TERT: variants seen among roughly 807,000 people sequenced by gnomAD.
TERT encodes the protein telomerase catalytic subunit.
In TERT, 42 loss-of-function variants were observed where a neutral mutation model predicts 104.0. The ratio of observed to expected loss-of-function variants is 0.40; its 90% CI spans 0.32 to 0.52. The LOEUF (loss-of-function observed/expected upper bound fraction) is 0.52. TERT is among the 20% of genes least tolerant of loss of function. The probability of loss-of-function intolerance (pLI) is 0.43; values close to 1 mark genes in which losing one functional copy is unlikely to be tolerated. For missense variants in TERT, 1,101 were observed against 1,610.3 expected (o/e 0.68, Z 5.41); for synonymous variants, 781 against 725.6 (o/e 1.08, Z -1.23).
chr5:1,267,562 T>C (rs1748698539), intron 9 of TERT, among the ~76,000 whole-genome samples: 1 of 152,236 alleles, frequency 6.6e-6, no homozygotes, highest in Admixed American at 6.5e-5. Flanking sequence ...CTATTCACAG[T>C]AGCAAAGACT....
At position 1,261,642 on chromosome 5, in the gene TERT, G is replaced by C. The variant is rs549250286; in HGVS notation, c.2844-1042C>G. Among the ~76,000 whole-genome samples the C allele has an allele frequency of 6.6e-6, 1 of 152,206 alleles. No homozygotes were observed. Among genetic ancestry groups the C allele is most frequent in the Admixed American group, 6.5e-5 (1 of 15,290 alleles). On this transcript the variant is annotated intron_variant, in intron 11 of 15. Transcript: ENST00000310581. This position sits in a 1 kb window ranked among gnomAD's most constrained non-coding sequence, Gnocchi z 7.4. ...TGCGTTTCTTTGAGGGATGGGTCTC[G>C]CTGTCAGTTTCACATGCATTTCTTT... is the stretch of plus-strand genomic sequence containing the variant.
chr5:1,285,857 C>T (rs563475216), intron 2 of TERT, among the ~76,000 whole-genome samples: 8 of 151,966 alleles, frequency 5.3e-5, no homozygotes, highest in Non-Finnish European at 1.0e-4. Context: ...CGTGAGCCAC[C>T]GCGCCCAGCC....
Position 1,294,130 on chromosome 5 carries a change from C to T in TERT, c.756G>A (p.Gly252=). The T allele has an allele frequency of 6.3e-7, 1 of 1,582,732 alleles. No homozygotes were observed. The highest frequency in any genetic ancestry group is 8.6e-7 in the Non-Finnish European group (1 of 1,166,906). The change falls in exon 2 of 16, where the codon GGG becomes GGA. Residue 252 remains glycine, a synonymous_variant. Coordinates refer to ENST00000310581, the MANE Select transcript of TERT (RefSeq NM_198253.3). ...TGCCCGGGTGGGCCCAGGACCCCTG[C>T]CCAACGGGCGTCCGCTCCGGCTCAG... The part of the protein sequence containing the change: ...AAPEPERTPV[G]QGSWAHPGRT...
At position 1,255,296 on chromosome 5, in the gene TERT, T is replaced by C. The variant is rs1747637045; in HGVS notation, c.3148A>G (p.Lys1050Glu). ...ASLCYSILKA[K>E]NAGMSLGAKG... ...AGGCACCTGCACATACCTGCGTTCT[T>C]GGCTTTCAGGATGGAGTAGCAGAGG... Residue 1050 changes from lysine to glutamate, a missense_variant, in exon 14 of 16, where the codon AAG becomes GAG. Lys to Glu is a moderately conservative substitution (Grantham distance 56). Coordinates refer to ENST00000310581, the MANE Select transcript of TERT (RefSeq NM_198253.3). This position sits in a 1 kb window ranked among gnomAD's most constrained non-coding sequence, Gnocchi z 6.9. 1.2e-6 allele frequency: 2 copies of C among 1,613,818 alleles called. No individual in the cohort carries two copies. The highest frequency in any genetic ancestry group is 1.7e-6 in the Non-Finnish European group (2 of 1,179,920).
At chr5:1,291,607 C>T (rs1750977245) in intron 2 of TERT, among the ~76,000 whole-genome samples, 1 of 131,570 alleles carries the variant, frequency 7.6e-6, no homozygotes, top group Admixed American at 7.5e-5. Flanking sequence ...GGGGACAGTG[C>T]CTCACTCACC....
chr5:1,253,413 T>A lies in TERT; in HGVS notation c.*315A>T, dbSNP rs2126555209. On this transcript the variant is annotated 3_prime_UTR_variant, in exon 16 of 16. Coordinates refer to ENST00000310581, the MANE Select transcript of TERT (RefSeq NM_198253.3). ...AATGGCGAATCTGGGGATGGACTATTCCTATGTGGGGAGTGGAAGCCGGGC... is the reference window on the plus strand; with the variant it reads ...AATGGCGAATCTGGGGATGGACTATACCTATGTGGGGAGTGGAAGCCGGGC... 1.9e-6 allele frequency: 1 copy of A among 517,618 alleles called. No homozygotes were observed. Among genetic ancestry groups the A allele is most frequent in the Non-Finnish European group, 3.5e-6 (1 of 284,252 alleles). The allele number at this position is 517,618 out of a possible 1,614,324, so 32.1% of individuals were successfully genotyped here.
Position 1,293,632 on chromosome 5 carries a change from C to G in TERT, c.1254G>C (p.Ala418=), listed in dbSNP as rs1212476315. ...CACAGACACCGGCTGCTGGGGTGAC[C>G]GCAGCTCGCAGCGGGCAGTGCGTCT... ...LLKTHCPLRA[A]VTPAAGVCAR... The change falls in exon 2 of 16, where the codon GCG becomes GCC. Residue 418 remains alanine, a synonymous_variant. Transcript: ENST00000310581. 5 of 1,553,992 alleles carry G rather than the reference C, an allele frequency of 3.2e-6. No individual in the cohort carries two copies. The South Asian group carries it at 5.9e-5, about 18-fold the overall frequency.
rs896144263 is a variant in TERT at position 1,261,576 on chromosome 5, C to G, written c.2844-976G>C. ...CTCTTGGCAAGCCCAGAAAAGGAGCCAGCATGAGGGATGGGGACAGGTCTC... is the reference window on the plus strand; with the variant it reads ...CTCTTGGCAAGCCCAGAAAAGGAGCGAGCATGAGGGATGGGGACAGGTCTC... On this transcript the variant is annotated intron_variant, in intron 11 of 15. Transcript: ENST00000310581. The surrounding 1 kb of genome is among the most constrained non-coding windows in gnomAD (Gnocchi z 7.4). Among the ~76,000 whole-genome samples the G allele has an allele frequency of 3.9e-5, 6 of 152,234 alleles. No homozygotes were observed. Among genetic ancestry groups the G allele is most frequent in the East Asian group, 1.9e-4 (1 of 5,196 alleles).
chr5:1,261,602 G>A lies in TERT; in HGVS notation c.2844-1002C>T, dbSNP rs905140806. 6.6e-6 allele frequency among the ~76,000 whole-genome samples: 1 copy of A among 152,186 alleles called. No homozygotes were observed. Among genetic ancestry groups the A allele is most frequent in the East Asian group, 1.9e-4 (1 of 5,196 alleles). ...AGCATGAGGGATGGGGACAGGTCTCGCCATCAGTTTCACGTGCGTTTCTTT... is the reference window on the plus strand; with the variant it reads ...AGCATGAGGGATGGGGACAGGTCTCACCATCAGTTTCACGTGCGTTTCTTT... On this transcript the variant is annotated intron_variant, in intron 11 of 15. Transcript: ENST00000310581. This position sits in a 1 kb window ranked among gnomAD's most constrained non-coding sequence, Gnocchi z 7.4.
In TERT at chr5:1,255,499, T is replaced by C. The variant is rs1561187289; in HGVS notation, c.3033-88A>G. 1.3e-6 allele frequency: 2 copies of C among 1,563,948 alleles called. No individual in the cohort carries two copies. Among genetic ancestry groups the C allele is most frequent in the Non-Finnish European group, 1.8e-6 (2 of 1,138,596 alleles). On this transcript the variant is annotated intron_variant, in intron 13 of 15. Coordinates refer to ENST00000310581, the MANE Select transcript of TERT (RefSeq NM_198253.3). The surrounding 1 kb of genome is among the most constrained non-coding windows in gnomAD (Gnocchi z 6.9). ...GGGCATGGGCCCACCGGTGCCTGTG[T>C]GCGTGCATGAATGCACATGCATGGG...
chr5:1,267,164 TGAA>T (rs1369834127), intron 9 of TERT, among the ~76,000 whole-genome samples: 1 of 152,234 alleles, frequency 6.6e-6, no homozygotes, highest in African/African-American at 2.4e-5. Flanking sequence ...TGAACCTTAA[TGAA>T]GAAGAACCTT....
chr5:1,254,318 G>C, intron 15 of TERT, 50 bp downstream of exon 15: 2 of 1,611,952 alleles, frequency 1.2e-6, no homozygotes, highest in South Asian at 1.1e-5. Flanking sequence ...GGGCGTTCAA[G>C]GATGACCCCT....
At chr5:1,276,580 C>T (rs911970644) in intron 6 of TERT, among the ~76,000 whole-genome samples, 5 of 150,728 alleles carry the variant, frequency 3.3e-5, no homozygotes, top group African/African-American at 1.2e-4. Context: ...CACATAAAAA[C>T]CAATCCCACA....
At chr5:1,282,081 C>T (rs1029184971) in intron 3 of TERT, among the ~76,000 whole-genome samples, 2 of 150,428 alleles carry the variant, frequency 1.3e-5, no homozygotes, top group Admixed American at 6.6e-5. Flanking sequence ...GAGTGAGACT[C>T]CATCTCAAAA....
intron 2 of TERT, among the ~76,000 whole-genome samples, chr5:1,284,862 G>C (rs1229193523): frequency 1.4e-5 from 2 of 139,860 alleles, no homozygotes. Context: ...CTCACCGCAC[G>C]GTCTGGCACC....
chr5:1,271,688 C>T (rs990154610), intron 7 of TERT, among the ~76,000 whole-genome samples: 18 of 152,326 alleles, frequency 1.2e-4, no homozygotes, highest in African/African-American at 4.1e-4. Context: ...ACCACATCTG[C>T]AAAGGGCCAC....
intron 12 of TERT, among the ~76,000 whole-genome samples, chr5:1,259,139 T>C (rs1254533017): frequency 8.6e-6 from 1 of 115,948 alleles, no homozygotes; most frequent in Admixed American, 9.4e-5. Flanking sequence ...TGGATGCAGA[T>C]GCCCACAGGA....
chr5:1,291,157 C>A (rs1210857194), intron 2 of TERT, among the ~76,000 whole-genome samples: 1 of 140,506 alleles, frequency 7.1e-6, no homozygotes, highest in Non-Finnish European at 1.5e-5. Flanking sequence ...CTCACTCACC[C>A]TATACCTGGG....
chr5:1,264,145 C>G, intron 11 of TERT: 1 of 543,494 alleles, frequency 1.8e-6, no homozygotes, highest in Non-Finnish European at 3.3e-6. Context: ...CTGAAGACAC[C>G]TCAGTGCACC....
Sources: allele counts gnomAD v4.1 joint callset (sites outside exome capture counted in the v4.1 genomes callset), GRCh38; gene constraint gnomAD v4.1.1; non-coding constraint Gnocchi (gnomAD v3.1); transcripts MANE v1.5; gene names NCBI Gene and HGNC (gene_info 2026-07-23, HGNC 2026-07-21).